Variants in TUSC3 observed in about 807,000 individuals in gnomAD.
TUSC3 encodes the protein tumor suppressor candidate 3, also known as dolichyl-diphosphooligosaccharide--protein glycosyltransferase subunit TUSC3.
A neutral mutation model predicts 44.8 loss-of-function variants in TUSC3; 45 were observed. The observed-to-expected ratio is 1.00, with a 90% confidence interval of 0.79 to 1.29. TUSC3 has a LOEUF of 1.29. Among genes scored for constraint, TUSC3 ranks in the 50% most tolerant of loss-of-function variants. The probability of loss-of-function intolerance (pLI) is 0.00; values close to 1 mark genes in which losing one functional copy is unlikely to be tolerated. For synonymous variants in TUSC3, 212 were observed against 152.9 expected (o/e 1.39, Z -2.85); for missense variants, 519 against 437.9 (o/e 1.19, Z -1.65).
intron 2 of TUSC3, among the ~76,000 whole-genome samples, chr8:15,517,469 T>G (rs548987378): frequency 8.0e-6 from 1 of 125,732 alleles, no homozygotes; most frequent in South Asian, 2.6e-4. Context: ...AGATGGTAAA[T>G]AATGACTGAA....
chr8:15,571,015 G>C (rs1393071500), intron 1 of TUSC3, among the ~76,000 whole-genome samples: 2 of 113,658 alleles, frequency 1.8e-5, no homozygotes, highest in East Asian at 3.1e-4. Flanking sequence ...GAAGTGCAGT[G>C]ATATGATCTT....
intron 1 of TUSC3, among the ~76,000 whole-genome samples, chr8:15,558,448 G>C (rs1802340491): frequency 1.6e-5 from 1 of 61,904 alleles, no homozygotes; most frequent in African/African-American, 4.7e-5. Flanking sequence ...GTTCATCAAG[G>C]ATATTGGTCT....
chr8:15,605,059 G>A (rs899002110), intron 1 of TUSC3, among the ~76,000 whole-genome samples: 1 of 151,850 alleles, frequency 6.6e-6, no homozygotes, highest in African/African-American at 2.4e-5. Flanking sequence ...GTGTTAGTCA[G>A]TAAAGATGAA....
chr8:15,768,665 A>T (rs1343180068), downstream of TUSC3, among the ~76,000 whole-genome samples: 1 of 152,202 alleles, frequency 6.6e-6, no homozygotes, highest in African/African-American at 2.4e-5. Context: ...CTGTTTGTAG[A>T]TGACATGGTT....
chr8:15,439,765 A>G (rs1003590086), intron 1 of TUSC3, among the ~76,000 whole-genome samples: 4 of 152,124 alleles, frequency 2.6e-5, no homozygotes, highest in African/African-American at 9.7e-5. Flanking sequence ...ATTTCCCTCC[A>G]GTGTTTGATC....
At chr8:15,773,043 A>G in the TUSC3 span, among the ~76,000 whole-genome samples, 1 of 152,226 alleles carries the variant, frequency 6.6e-6, no homozygotes, top group Non-Finnish European at 1.5e-5. Flanking sequence ...TTCAATGGTT[A>G]AAAACAAAAC....
chr8:15,502,534 G>A (rs1440868747), intron 2 of TUSC3, among the ~76,000 whole-genome samples: 2 of 152,130 alleles, frequency 1.3e-5, no homozygotes, highest in Admixed American at 6.5e-5. Context: ...TCTGTCGCCT[G>A]GGCTGGAGTG....
intron 6 of TUSC3, among the ~76,000 whole-genome samples, chr8:15,726,361 T>C (rs990463454): frequency 6.6e-6 from 1 of 152,206 alleles, no homozygotes; most frequent in Non-Finnish European, 1.5e-5. Context: ...ATATTGTTTT[T>C]TCATATTATG....
chr8:15,748,385 AG>A lies in TUSC3; in HGVS notation c.949del (p.Val317TrpfsTer36). 1 of 1,613,226 alleles carries A rather than the reference AG, an allele frequency of 6.2e-7. No homozygotes were observed. The highest frequency in any genetic ancestry group is 8.5e-7 in the Non-Finnish European group (1 of 1,179,316). ...DVGKRRIICL[V>X]GLGLVVFFFS... ...TCTGTCTGTTTCTAGTAATTTGCCTAGTGGGATTGGGCCTGGTGGTCTTCTT... is the reference window on the plus strand; with the variant it reads ...TCTGTCTGTTTCTAGTAATTTGCCTATGGGATTGGGCCTGGTGGTCTTCTT... On this transcript the variant is annotated frameshift_variant, in exon 9 of 11. Transcript: ENST00000503731. LOFTEE classifies it high-confidence loss of function.
intron 1 of TUSC3, among the ~76,000 whole-genome samples, chr8:15,467,624 G>C (rs530552056): frequency 1.8e-4 from 28 of 152,078 alleles, no homozygotes; most frequent in African/African-American, 6.7e-4. Flanking sequence ...ACACTGATTT[G>C]GTTTCTATTG....
chr8:15,832,013 G>GA, the TUSC3 span, among the ~76,000 whole-genome samples: 3 of 152,138 alleles, frequency 2.0e-5, no homozygotes, highest in Non-Finnish European at 2.9e-5. Context: ...AGGTCAAAAT[G>GA]AAAAAACAGT....
chr8:15,495,112 C>T (rs530268677), intron 2 of TUSC3, among the ~76,000 whole-genome samples: 1 of 152,176 alleles, frequency 6.6e-6, no homozygotes, highest in African/African-American at 2.4e-5. Context: ...GCATAGTATT[C>T]CCTGGTGTAT....
intron 1 of TUSC3, among the ~76,000 whole-genome samples, chr8:15,601,611 C>T (rs1408439841): frequency 6.6e-6 from 1 of 151,550 alleles, no homozygotes; most frequent in Non-Finnish European, 1.5e-5. Context: ...AATTTGTTAC[C>T]TTTTTCTTAA....
chr8:15,670,151 A>AC (rs1443286524), intron 5 of TUSC3, among the ~76,000 whole-genome samples: 2 of 151,788 alleles, frequency 1.3e-5, no homozygotes, highest in Non-Finnish European at 2.9e-5. Context: ...GGATTGGTAG[A>AC]CTCAACGTTG....
At chr8:15,673,269 G>T (rs938783541) in intron 5 of TUSC3, among the ~76,000 whole-genome samples, 11 of 152,058 alleles carry the variant, frequency 7.2e-5, no homozygotes, top group African/African-American at 2.4e-4. Flanking sequence ...CGTAAACTTT[G>T]CTGAAAGTAT....
the TUSC3 span, among the ~76,000 whole-genome samples, chr8:15,823,123 T>C: frequency 2.0e-5 from 3 of 152,188 alleles, no homozygotes; most frequent in African/African-American, 7.2e-5. Context: ...TATTGACTTT[T>C]TGCTTATGGT....
At chr8:15,540,657 AGCCTGGTCGCCGGCGTGGGCGAT>A (rs1801654012) in intron 1 of TUSC3, 89 bp downstream of exon 1, 10 of 1,423,238 alleles carry the variant, frequency 7.0e-6, no homozygotes, top group African/African-American at 1.5e-5. Flanking sequence ...GTTGCTAGGC[AGCCTGGTCGCCGGCGTGGGCGAT>A]GCCGGCGCTG....
At chr8:15,663,360 A>G (rs1807511557) in intron 5 of TUSC3, among the ~76,000 whole-genome samples, 1 of 151,808 alleles carries the variant, frequency 6.6e-6, no homozygotes, top group Admixed American at 6.6e-5. Context: ...TATCTGTAAA[A>G]CATAACAGAT....
intron 2 of TUSC3, among the ~76,000 whole-genome samples, chr8:15,533,386 A>T (rs557911438): frequency 6.6e-6 from 1 of 152,246 alleles, no homozygotes; most frequent in Non-Finnish European, 1.5e-5. Flanking sequence ...GGAAGCAATC[A>T]GATATCCATT....
Sources: allele counts gnomAD v4.1 joint callset (sites outside exome capture counted in the v4.1 genomes callset), GRCh38; gene constraint gnomAD v4.1.1; transcripts MANE v1.5; gene names NCBI Gene and HGNC (gene_info 2026-07-23, HGNC 2026-07-21).